The following DLC1 variants were observed in gnomAD, a reference collection of about 807,000 sequenced individuals.
DLC1 encodes DLC1 Rho GTPase activating protein, also known as rho GTPase-activating protein 7.
Under a neutral mutation model 140.3 loss-of-function variants are expected in DLC1, and 54 were observed. That is an observed-to-expected ratio of 0.38 (90% CI 0.31 to 0.48). The LOEUF is 0.48. Among genes scored for constraint, DLC1 ranks in the 20% least tolerant of loss-of-function variants. The pLI is 0.96. For missense variants in DLC1, 2,536 were observed against 1,907.0 expected, an observed-to-expected ratio of 1.33 and a Z score of -6.14; for synonymous variants, 986 against 728.1, an observed-to-expected ratio of 1.35 and a Z score of -5.70.
intron 5 of DLC1, among the ~76,000 whole-genome samples, chr8:13,179,065 G>A (rs1585850374): frequency 6.6e-6 from 1 of 152,166 alleles, no homozygotes. Context: ...TTGTAGTAGA[G>A]CAATGCAATA....
chr8:13,316,266 G>C (rs1038296760), intron 4 of DLC1, among the ~76,000 whole-genome samples: 1 of 152,172 alleles, frequency 6.6e-6, no homozygotes, highest in Non-Finnish European at 1.5e-5. Context: ...AAGGTGGAAG[G>C]GCAATGTGGG....
At chr8:13,601,510 A>T (rs1479972960) in intron 1 of DLC1, among the ~76,000 whole-genome samples, 1 of 151,888 alleles carries the variant, frequency 6.6e-6, no homozygotes, top group Non-Finnish European at 1.5e-5. Flanking sequence ...TTCTGGAAAC[A>T]TCATTGCTAT....
chr8:13,317,392 G>C (rs1369752499), intron 4 of DLC1, among the ~76,000 whole-genome samples: 1 of 152,128 alleles, frequency 6.6e-6, no homozygotes, highest in East Asian at 1.9e-4. Flanking sequence ...ACATAGCATG[G>C]TTAACTGAAA....
intron 3 of DLC1, among the ~76,000 whole-genome samples, chr8:13,400,442 C>T (rs1347637916): frequency 6.6e-6 from 1 of 152,116 alleles, no homozygotes; most frequent in Non-Finnish European, 1.5e-5. Context: ...GAACTCAGAC[C>T]TTTACACTAC....
intron 2 of DLC1, among the ~76,000 whole-genome samples, chr8:13,453,386 G>GTATATATATATATAT: frequency 1.8e-5 from 1 of 55,556 alleles, no homozygotes; most frequent in Non-Finnish European, 3.3e-5. Context: ...AGATGGCCCA[G>GTATATATATATATAT]GATATATATA....
chr8:13,386,711 G>A (rs1836534185), intron 4 of DLC1, among the ~76,000 whole-genome samples: 1 of 151,962 alleles, frequency 6.6e-6, no homozygotes, highest in Admixed American at 6.6e-5. Flanking sequence ...ATCCAGACTA[G>A]GTGAATGAAA....
At position 13,363,816 on chromosome 8, in the gene DLC1, T is replaced by C. The variant is rs534878145; in HGVS notation, c.1314+29737A>G. On this transcript the variant is annotated intron_variant, in intron 4 of 17. Transcript: ENST00000276297. ...TGCAAAACTGGATTTCATTTGGATC[T>C]TAGATTTGGTACCAAAATGATAACT... Among the ~76,000 whole-genome samples, 4 of 152,284 alleles carry C rather than the reference T, an allele frequency of 2.6e-5. No homozygotes were observed. In the East Asian group the frequency reaches 7.7e-4, roughly 29 times the overall value.
chr8:13,317,012 T>A (rs1832885822), intron 4 of DLC1, among the ~76,000 whole-genome samples: 1 of 152,170 alleles, frequency 6.6e-6, no homozygotes, highest in Non-Finnish European at 1.5e-5. Flanking sequence ...GAGAGTTATG[T>A]GAGACATGGA....
At chr8:13,344,024 T>C (rs1333737197) in intron 4 of DLC1, among the ~76,000 whole-genome samples, 1 of 152,196 alleles carries the variant, frequency 6.6e-6, no homozygotes, top group Non-Finnish European at 1.5e-5. Context: ...TTTCTCAGAA[T>C]CTTGGGATTT....
At chr8:13,470,720 G>A (rs904158640) in intron 2 of DLC1, among the ~76,000 whole-genome samples, 1 of 152,096 alleles carries the variant, frequency 6.6e-6, no homozygotes, top group East Asian at 1.9e-4. Flanking sequence ...ACAGTATGGA[G>A]GTCCTAAAAA....
At chr8:13,304,693 A>T (rs1281804088) in intron 5 of DLC1, 1 of 957,884 alleles carries the variant, frequency 1.0e-6, no homozygotes, top group Non-Finnish European at 1.2e-6. Context: ...AAACACATAG[A>T]TCTACCAATC....
intron 5 of DLC1, among the ~76,000 whole-genome samples, chr8:13,120,356 A>AAAAATATATATATATAT: frequency 4.6e-4 from 28 of 61,118 alleles, no homozygotes; most frequent in Admixed American, 1.3e-3. Context: ...AAAAAAAAAA[A>AAAAATATATATATATAT]ATATATATAT....
chr8:13,545,275 G>C (rs1803614422), intron 1 of DLC1, among the ~76,000 whole-genome samples: 1 of 151,032 alleles, frequency 6.6e-6, no homozygotes, highest in African/African-American at 2.4e-5. Context: ...GTAATAGGGA[G>C]AGGTCTATAA....
intron 1 of DLC1, among the ~76,000 whole-genome samples, chr8:13,530,061 C>T (rs1803047202): frequency 6.6e-6 from 1 of 152,070 alleles, no homozygotes; most frequent in Non-Finnish European, 1.5e-5. Context: ...GAGCAAGGGG[C>T]ACATCTGTGC....
At chr8:13,551,897 CAT>C (rs3066463) in intron 1 of DLC1, among the ~76,000 whole-genome samples, 49,381 of 137,568 alleles carry the variant, frequency 0.36, 8,892 homozygotes, top group Non-Finnish European at 0.37. Context: ...GGTATATATA[CAT>C]ATATATATAT....
At chr8:13,237,887 T>A (rs981636178) in intron 5 of DLC1, among the ~76,000 whole-genome samples, 18 of 148,910 alleles carry the variant, frequency 1.2e-4, no homozygotes, top group African/African-American at 3.7e-4. Flanking sequence ...CTAATACATA[T>A]ATTGAAAGAA....
In DLC1 at chr8:13,576,737, G is replaced by A. The variant is rs192235910; in HGVS notation, c.-126+27800C>T. On this transcript the variant is annotated intron_variant, in intron 1 of 1. Transcript: ENST00000631382. The stretch of plus-strand genomic sequence containing the variant: ...AATGAATCTCCCCAGAGTAGGGTAT[G>A]ATCAGTACAATGCTGTGTCTGTGCT... Among the ~76,000 whole-genome samples, 518 of 152,276 alleles carry A rather than the reference G, an allele frequency of 3.4e-3. 1 individual carries two copies. Among genetic ancestry groups the A allele is most frequent in the Non-Finnish European group, 5.7e-3 (388 of 68,028 alleles).
At chr8:13,355,268 T>C (rs1315933291) in intron 4 of DLC1, among the ~76,000 whole-genome samples, 5 of 152,110 alleles carry the variant, frequency 3.3e-5, no homozygotes, top group African/African-American at 1.2e-4. Context: ...GGTGGCTCAC[T>C]TGAGGCCAGG....
At chr8:13,496,476 A>C (rs907553576) in intron 2 of DLC1, among the ~76,000 whole-genome samples, 1 of 152,058 alleles carries the variant, frequency 6.6e-6, no homozygotes, top group Non-Finnish European at 1.5e-5. Flanking sequence ...CACTCATCCA[A>C]TGTAATTGCT....
Sources: allele counts gnomAD v4.1 joint callset (sites outside exome capture counted in the v4.1 genomes callset), GRCh38; gene constraint gnomAD v4.1.1; transcripts MANE v1.5; gene names NCBI Gene and HGNC (gene_info 2026-07-23, HGNC 2026-07-21).